The following SPOP variants were observed in gnomAD, a reference collection of about 807,000 sequenced individuals.
SPOP encodes the protein speckle-type POZ protein.
In SPOP, 11 loss-of-function variants were observed where a neutral mutation model predicts 45.6. That is an observed-to-expected ratio of 0.24 (90% CI 0.15 to 0.40). The LOEUF (loss-of-function observed/expected upper bound fraction) is 0.40. SPOP is among the 10% of genes least tolerant of loss of function. SPOP has a pLI of 1.00. For synonymous variants in SPOP, 166 were observed against 166.3 expected (o/e 1.00, Z 0.01); for missense variants, 152 against 465.6 (o/e 0.33, Z 6.20).
intron 1 of SPOP, among the ~76,000 whole-genome samples, chr17:49,648,893 G>C (rs977149089): frequency 5.9e-5 from 9 of 152,106 alleles, no homozygotes; most frequent in Admixed American, 4.6e-4. Context: ...GAGTAGCTGG[G>C]ACTACAGGCG....
chr17:49,655,032 G>T (rs531163406), intron 1 of SPOP, among the ~76,000 whole-genome samples: 35 of 152,000 alleles, frequency 2.3e-4, no homozygotes, highest in African/African-American at 8.5e-4. Flanking sequence ...GTCAAAACTT[G>T]TATAATTTAG....
chr17:49,636,764 T>G (rs893869634), intron 1 of SPOP: 2 of 152,210 alleles, frequency 1.3e-5, no homozygotes, highest in Admixed American at 1.3e-4. Context: ...CTCACCAAGT[T>G]AAGTCAGTAG....
At chr17:49,606,524 A>G (rs2071853367) in intron 8 of SPOP, among the ~76,000 whole-genome samples, 1 of 116,780 alleles carries the variant, frequency 8.6e-6, no homozygotes, top group African/African-American at 3.4e-5. Flanking sequence ...TTGGAGACAG[A>G]GTCTTGCTCT....
At chr17:49,613,404 A>C (rs528444400) in intron 5 of SPOP, among the ~76,000 whole-genome samples, 28 of 152,346 alleles carry the variant, frequency 1.8e-4, no homozygotes, top group African/African-American at 6.5e-4. Flanking sequence ...GCTTGAATTA[A>C]ACCAGGTTGA....
At chr17:49,632,664 T>C (rs776655050) in intron 1 of SPOP, among the ~76,000 whole-genome samples, 10 of 152,198 alleles carry the variant, frequency 6.6e-5, no homozygotes, top group Non-Finnish European at 1.2e-4. Context: ...AGGTAATTTT[T>C]GTATTTTTAG....
rs1376228588 is a variant in SPOP, at chr17:49,600,278, G to GTT, written c.*99_*100insAA. ...TGCAGTCTCTTCCCCTCACAACAGA[G>GTT]TAAAAGCTCCACAGATTGCGCTGTC... On this transcript the variant is annotated 3_prime_UTR_variant, in exon 10 of 10. Coordinates refer to ENST00000504102, the MANE Select transcript of SPOP (RefSeq NM_001007228.2). This position sits in a 1 kb window ranked among gnomAD's most constrained non-coding sequence, Gnocchi z 4.2. 1.3e-6 allele frequency: 2 copies of GTT among 1,507,328 alleles called. No homozygotes were observed. Among genetic ancestry groups the GTT allele is most frequent in the Non-Finnish European group, 1.8e-6 (2 of 1,096,636 alleles). 93.4% of individuals were successfully genotyped at this position (1,507,328 alleles called of 1,614,324 possible). A position where few individuals can be genotyped will look rare whatever the true frequency, so the allele number is the denominator to read the frequency against.
chr17:49,663,762 A>C (rs1247529117), intron 1 of SPOP, among the ~76,000 whole-genome samples: 1 of 152,220 alleles, frequency 6.6e-6, no homozygotes, highest in Non-Finnish European at 1.5e-5. Flanking sequence ...TTAGACATGA[A>C]TATTTAGCAG....
At chr17:49,664,298 A>G (rs897251329) in intron 1 of SPOP, among the ~76,000 whole-genome samples, 1 of 152,228 alleles carries the variant, frequency 6.6e-6, no homozygotes, top group Non-Finnish European at 1.5e-5. Flanking sequence ...CAATCAAAAC[A>G]AATTGTCACA....
chr17:49,610,408 G>A (rs756423506), intron 6 of SPOP, among the ~76,000 whole-genome samples: 4 of 152,106 alleles, frequency 2.6e-5, no homozygotes, highest in Non-Finnish European at 4.4e-5. Flanking sequence ...TAGTAGACAT[G>A]GGGTTTCACC....
chr17:49,663,601 C>A (rs1215965540), intron 1 of SPOP, among the ~76,000 whole-genome samples: 1 of 150,456 alleles, frequency 6.6e-6, no homozygotes, highest in Non-Finnish European at 1.5e-5. Flanking sequence ...TGTAAAAAAA[C>A]TGGGAAGTAT....
rs868326961 is a variant in SPOP at position 49,607,106 on chromosome 17, G to C, written c.837+144C>G. ...AAGTGTGCTATTAATAATTGTGTTG[G>C]AATAATATGTGTAAACCAGGACCGT... is the stretch of plus-strand genomic sequence containing the variant. On this transcript the variant is annotated intron_variant, in intron 8 of 9. Transcript: ENST00000504102. 2.3e-5 allele frequency: 21 copies of C among 931,524 alleles called. No homozygotes were observed. The African/African-American group carries it at 3.5e-4, about 16-fold the overall frequency. The allele number at this position is 931,524 out of a possible 1,614,324, so 57.7% of individuals were successfully genotyped here. A position where few individuals can be genotyped will look rare whatever the true frequency, so the allele number is the denominator to read the frequency against.
At chr17:49,607,442 G>A in intron 7 of SPOP, 70 bp from the exon 8 acceptor site, 2 of 1,551,254 alleles carry the variant, frequency 1.3e-6, no homozygotes, top group Non-Finnish European at 1.7e-6. Context: ...CTATTTTCAT[G>A]ATTTTAAGCT....
At chr17:49,671,669 T>C (rs2073137431) in intron 1 of SPOP, among the ~76,000 whole-genome samples, 1 of 152,066 alleles carries the variant, frequency 6.6e-6, no homozygotes, top group African/African-American at 2.4e-5. Flanking sequence ...CAGAAAAGTG[T>C]TAAAGAAAAA....
chr17:49,669,847 A>G (rs1467830684), intron 1 of SPOP, among the ~76,000 whole-genome samples: 1 of 152,028 alleles, frequency 6.6e-6, no homozygotes, highest in Non-Finnish European at 1.5e-5. Flanking sequence ...AAATTTCTAC[A>G]TGGTTATCTG....
intron 3 of SPOP, among the ~76,000 whole-genome samples, chr17:49,620,381 T>A (rs549924755): frequency 8.1e-5 from 12 of 148,706 alleles, no homozygotes; most frequent in Non-Finnish European, 1.8e-4. Flanking sequence ...GGCAGGAGAA[T>A]CACTTTAACC....
intron 1 of SPOP, among the ~76,000 whole-genome samples, chr17:49,671,784 T>TC (rs2073138994): frequency 6.6e-6 from 1 of 152,118 alleles, no homozygotes; most frequent in African/African-American, 2.4e-5. Context: ...GGCGGGAGGA[T>TC]CACTTGAGGT....
At chr17:49,629,314 T>G (rs1209609921) in intron 1 of SPOP, among the ~76,000 whole-genome samples, 7 of 151,648 alleles carry the variant, frequency 4.6e-5, no homozygotes, top group East Asian at 1.9e-4. Flanking sequence ...AGTTTTCTGG[T>G]TTTTTTTCAC....
intron 3 of SPOP, among the ~76,000 whole-genome samples, chr17:49,621,722 A>G (rs2072224929): frequency 6.6e-6 from 1 of 152,222 alleles, no homozygotes; most frequent in Non-Finnish European, 1.5e-5. Context: ...ATTACCCTAT[A>G]GCTTGAGTTT....
chr17:49,617,923 CAAA>C lies in SPOP; in HGVS notation c.480+1055_480+1057del, dbSNP rs907445153. Among the ~76,000 whole-genome samples the C allele has an allele frequency of 4.5e-4, 25 of 55,878 alleles. No individual in the cohort carries two copies. The South Asian group carries it at 7.9e-3, about 18-fold the overall frequency. The allele number at this position is 55,878 out of a possible 152,430, so 36.7% of individuals were successfully genotyped here. ...TGGGTGACAGAGCAAGACTCCGTCT[CAAA>C]AAAAAAAAAAAAAAAAAGAAAGAAA... On this transcript the variant is annotated intron_variant, in intron 5 of 9. Coordinates refer to ENST00000504102, the MANE Select transcript of SPOP (RefSeq NM_001007228.2).
Sources: allele counts gnomAD v4.1 joint callset (sites outside exome capture counted in the v4.1 genomes callset), GRCh38; gene constraint gnomAD v4.1.1; non-coding constraint Gnocchi (gnomAD v3.1); transcripts MANE v1.5; gene names NCBI Gene and HGNC (gene_info 2026-07-23, HGNC 2026-07-21).